GNL3: variants seen among roughly 807,000 people sequenced by gnomAD.
GNL3 encodes guanine nucleotide-binding protein-like 3.
A neutral mutation model predicts 70.6 loss-of-function variants in GNL3; 77 were observed. The observed-to-expected ratio is 1.09, with a 90% confidence interval of 0.91 to 1.32. The LOEUF (loss-of-function observed/expected upper bound fraction) is 1.32. GNL3 is among the 40% of genes most tolerant of loss of function. The probability of loss-of-function intolerance (pLI) is 0.00; values close to 1 mark genes in which losing one functional copy is unlikely to be tolerated. For synonymous variants in GNL3, 252 were observed against 216.1 expected (o/e 1.17, Z -1.46); for missense variants, 634 against 644.0 (o/e 0.98, Z 0.17).
rs1180868916 is a variant in GNL3 at position 52,687,578 on chromosome 3, C to G, written c.287C>G (p.Pro96Arg). The G allele has an allele frequency of 6.2e-7, 1 of 1,609,264 alleles. No homozygotes were observed. ...AAGAAAAGAAAACTTGAAACTAATC[C>G]TGATATTAAGCCATCAAATGTGGAA... ...LEKKRKLETN[P>R]DIKPSNVEPM... Residue 96 changes from proline (P) to arginine (R), a missense_variant, in exon 4 of 15, where the codon CCT becomes CGT. Transcript: ENST00000418458.
intron 4 of GNL3, 200 bp downstream of exon 4, chr3:52,687,815 C>G: frequency 3.4e-6 from 2 of 595,610 alleles, no homozygotes; most frequent in East Asian, 5.6e-5. Flanking sequence ...TTAGCAGACA[C>G]GGGCTTTCAC....
At chr3:52,686,367 T>C in intron 1 of GNL3, 1 of 589,592 alleles carries the variant, frequency 1.7e-6, no homozygotes. Context: ...GGAAGCAGCG[T>C]CTGAGCCAGG....
At chr3:52,694,170 C>A (rs764495357) in intron 14 of GNL3, 23 bp from the exon 15 acceptor site, 2 of 1,595,316 alleles carry the variant, frequency 1.3e-6, no homozygotes, top group Non-Finnish European at 8.6e-7. Context: ...TTTTGAAAAT[C>A]TCTTTATTTT....
chr3:52,688,224 G>C (rs757791170), intron 5 of GNL3, 32 bp downstream of exon 5: 1 of 1,241,890 alleles, frequency 8.1e-7, no homozygotes, highest in Non-Finnish European at 1.2e-6. Context: ...TCTGACAGTA[G>C]TAATGAGGTT....
chr3:52,689,728 A>T (rs934621426), intron 6 of GNL3, among the ~76,000 whole-genome samples: 1 of 152,174 alleles, frequency 6.6e-6, no homozygotes, highest in Non-Finnish European at 1.5e-5. Flanking sequence ...TGAAGTGGGC[A>T]CATCACTTGA....
In GNL3 at chr3:52,693,663, C is replaced by G; in HGVS notation, c.1356C>G (p.Ile452Met). ...AIKGPHLANS[I>M]LFQSSGLTNG... ...AGGGCCCTCATTTGGCCAATAGCAT[C>G]CTTTTCCAGTCTTCCGGTCTGACAA... The change falls in exon 13 of 15, where the codon ATC becomes ATG. Residue 452 changes from isoleucine (I) to methionine (M), a missense_variant. By Grantham distance (10) the Ile-to-Met change is conservative. Transcript: ENST00000418458. 1 of 1,614,118 alleles carries G rather than the reference C, an allele frequency of 6.2e-7. No individual in the cohort carries two copies. Among genetic ancestry groups the G allele is most frequent in the Non-Finnish European group, 8.5e-7 (1 of 1,180,026 alleles).
Position 52,687,567 on chromosome 3 carries a change from T to C in GNL3, c.276T>C (p.Leu92=). Residue 92 remains leucine, a synonymous_variant, in exon 4 of 15, where the codon CTT becomes CTC. Transcript: ENST00000418458. The part of the protein sequence containing the change: ...RQKELEKKRK[L]ETNPDIKPSN... ...AGGAACTAGAAAAGAAAAGAAAACT[T>C]GAAACTAATCCTGATATTAAGCCAT... 6.2e-7 allele frequency: 1 copy of C among 1,612,698 alleles called. No individual in the cohort carries two copies. The highest frequency in any genetic ancestry group is 8.5e-7 in the Non-Finnish European group (1 of 1,178,694).
chr3:52,691,459 G>T, intron 8 of GNL3, 83 bp from the exon 9 acceptor site: 1 of 823,118 alleles, frequency 1.2e-6, no homozygotes. Context: ...TAAACATCAG[G>T]GAAATGGAAA....
chr3:52,692,596 C>T (rs1189660433), intron 9 of GNL3: 16 of 437,388 alleles, frequency 3.7e-5, no homozygotes, highest in African/African-American at 4.0e-5. Flanking sequence ...GGATTACAGG[C>T]GTGAGCCACC....
chr3:52,693,937 T>A, intron 13 of GNL3, 100 bp from the exon 14 acceptor site: 7 of 1,292,816 alleles, frequency 5.4e-6, no homozygotes, highest in Non-Finnish European at 7.8e-6. Context: ...CATCCCGTTA[T>A]ATGTACCTCC....
intron 9 of GNL3, among the ~76,000 whole-genome samples, chr3:52,692,310 AGTGTTGGGATTACACTT>A (rs1033507614): frequency 6.0e-5 from 9 of 150,276 alleles, no homozygotes; most frequent in African/African-American, 2.2e-4. Flanking sequence ...GGCCTCACAA[AGTGTTGGGATTACACTT>A]GTGTTGGGTG....
At position 52,694,090 on chromosome 3, in the gene GNL3, G is replaced by A. The variant is rs35437935; in HGVS notation, c.1554G>A (p.Glu518=). ...AAGAGACAGGGGAGGCACTGTCTGA[G>A]GAGACTACAGCAGGTGAGGCAGGCA... ...AAEETGEALS[E]ETTAGEQSTR... is the part of the protein sequence containing the mutation. The change falls in exon 14 of 15, where the codon GAG becomes GAA. Residue 518 remains glutamate (E), a synonymous_variant. Coordinates refer to ENST00000418458, the MANE Select transcript of GNL3 (RefSeq NM_014366.5). 1,129 of 1,612,950 alleles carry A rather than the reference G, an allele frequency of 7.0e-4. 3 individuals carry two copies. In the African/African-American group the frequency reaches 9.9e-3, roughly 14 times the overall value.
At chr3:52,689,323 G>A (rs532484699) in intron 6 of GNL3, 117 bp downstream of exon 6, 3 of 999,494 alleles carry the variant, frequency 3.0e-6, no homozygotes, top group African/African-American at 3.1e-5. Context: ...GCCAGAGTAC[G>A]TGCACTTTGC....
In GNL3 at chr3:52,692,915, G is replaced by C. The variant is rs2097328749; in HGVS notation, c.913G>C (p.Asp305His). The change falls in exon 10 of 15, where the codon GAT (aspartate) becomes CAT (histidine). Residue 305 changes from aspartate to histidine, a missense_variant. Transcript: ENST00000418458. Reference sequence around the variant, plus strand: ...CTTGGACAAACAGATCACAATCATAGATAGTCCGAGCTTCATCGTATCTCC... The same window carrying C: ...CTTGGACAAACAGATCACAATCATACATAGTCCGAGCTTCATCGTATCTCC... ...VPLDKQITII[D>H]SPSFIVSPLN... 1 of 1,613,492 alleles carries C rather than the reference G, an allele frequency of 6.2e-7. No individual in the cohort carries two copies.
Position 52,689,225 on chromosome 3 carries a change from C to T in GNL3, c.541+19C>T, listed in dbSNP as rs1350671229. On this transcript the variant is annotated intron_variant, in intron 6 of 14. Transcript: ENST00000418458. ...AAATCAGGTGAGTAAAGAGGGTACC[C>T]TTTGTCTTCTGTGTACATGGGTGAG... 6.2e-7 allele frequency: 1 copy of T among 1,608,048 alleles called. No individual in the cohort carries two copies. The highest frequency in any genetic ancestry group is 2.2e-5 in the East Asian group (1 of 44,842).
In GNL3 at chr3:52,688,089, T is replaced by C; in HGVS notation, c.325-20T>C. 6.9e-7 allele frequency: 1 copy of C among 1,451,466 alleles called. No individual in the cohort carries two copies. Among genetic ancestry groups the C allele is most frequent in the Non-Finnish European group, 9.7e-7 (1 of 1,031,766 alleles). The allele number at this position is 1,451,466 out of a possible 1,614,324, so 89.9% of individuals were successfully genotyped here. A position where few individuals can be genotyped will look rare whatever the true frequency, so the allele number is the denominator to read the frequency against. ...TTGCTCTACTTCTAATTTTGTGTTATTTCCCCCTTTATCCTCTAGGAGTTT... is the reference window on the plus strand; with the variant it reads ...TTGCTCTACTTCTAATTTTGTGTTACTTCCCCCTTTATCCTCTAGGAGTTT... On this transcript the variant is annotated intron_variant, in intron 4 of 14. Transcript: ENST00000418458.
chr3:52,687,593 C>A lies in GNL3; in HGVS notation c.302C>A (p.Ser101Ter). ...GAAACTAATCCTGATATTAAGCCAT[C>A]AAATGTGGAACCTATGGAAAAGGTA... Reference protein sequence around the residue: ...KLETNPDIKPSNVEPMEKEFG... With the variant: ...KLETNPDIKP Residue 101 changes from serine to a stop codon, truncating the protein, a stop_gained, in exon 4 of 15, where the codon TCA becomes TAA. Coordinates refer to ENST00000418458, the MANE Select transcript of GNL3 (RefSeq NM_014366.5). LOFTEE classifies it high-confidence loss of function. 1 of 1,594,664 alleles carries A rather than the reference C, an allele frequency of 6.3e-7. No homozygotes were observed. Among genetic ancestry groups the A allele is most frequent in the Non-Finnish European group, 8.6e-7 (1 of 1,162,450 alleles).
intron 2 of GNL3, 36 bp from the exon 3 acceptor site, chr3:52,687,210 T>A (rs1186929954): frequency 6.4e-7 from 1 of 1,565,246 alleles, no homozygotes; most frequent in Non-Finnish European, 8.7e-7. Context: ...TATAAAGATA[T>A]TTTTGTAAGC....
At position 52,686,781 on chromosome 3, in the gene GNL3, C is replaced by T; in HGVS notation, c.26C>T (p.Ala9Val). ...TGTTTCTTTGTAGAGTTAAAGAAAG[C>T]AAGTAAACGCATGACCTGCCATAAG... MKRPKLKK[A>V]SKRMTCHKRY... Residue 9 changes from alanine (A) to valine (V), a missense_variant, in exon 2 of 15, where the codon GCA becomes GTA. By Grantham distance (64) the Ala-to-Val change is moderately conservative (BLOSUM62 0). Coordinates refer to ENST00000418458, the MANE Select transcript of GNL3 (RefSeq NM_014366.5). The T allele has an allele frequency of 6.2e-7, 1 of 1,611,502 alleles. No homozygotes were observed. The highest frequency in any genetic ancestry group is 8.5e-7 in the Non-Finnish European group (1 of 1,177,682).
Sources: gnomAD v4.1 joint callset for allele counts (sites outside exome capture counted in the v4.1 genomes callset) on GRCh38, gnomAD v4.1.1 for gene constraint, MANE v1.5 for transcripts, NCBI Gene and HGNC (gene_info 2026-07-23, HGNC 2026-07-21) for gene names.